GALNTL6: variants seen among roughly 807,000 people sequenced by gnomAD.
The protein encoded by GALNTL6 is polypeptide N-acetylgalactosaminyltransferase like 6.
A neutral mutation model predicts 73.7 loss-of-function variants in GALNTL6; 46 were observed. The observed-to-expected ratio is 0.62, with a 90% CI of 0.49 to 0.80. The LOEUF (loss-of-function observed/expected upper bound fraction) is 0.80, where lower values mean the gene tolerates loss of function less well. Ranked by LOEUF, GALNTL6 falls within the 30% of genes least tolerant of loss-of-function variation. The pLI, the probability that GALNTL6 is intolerant of heterozygous loss-of-function variation, is 0.00. For missense variants in GALNTL6, 604 were observed against 755.0 expected (o/e 0.80, Z 2.34); for synonymous variants, 259 against 263.7 (o/e 0.98, Z 0.17).
intron 5 of GALNTL6, among the ~76,000 whole-genome samples, chr4:172,614,136 CATCT>C (rs1738630292): frequency 7.2e-6 from 1 of 139,002 alleles, no homozygotes; most frequent in African/African-American, 2.8e-5. Context: ...ATCTATCTAT[CATCT>C]ATCTGTCATT....
At chr4:172,235,918 G>A (rs532296382) in intron 3 of GALNTL6, among the ~76,000 whole-genome samples, 11 of 152,102 alleles carry the variant, frequency 7.2e-5, no homozygotes, top group South Asian at 2.1e-4. Context: ...TTCATTTTCC[G>A]TTTCTGGGTT....
intron 3 of GALNTL6, among the ~76,000 whole-genome samples, chr4:172,257,138 C>T (rs1738108174): frequency 6.6e-6 from 1 of 151,356 alleles, no homozygotes; most frequent in Admixed American, 6.6e-5. Flanking sequence ...AAAGTCTGGA[C>T]ATATATGAAG....
chr4:171,924,343 T>A (rs1013165077), intron 2 of GALNTL6, among the ~76,000 whole-genome samples: 5 of 151,916 alleles, frequency 3.3e-5, no homozygotes, highest in African/African-American at 1.2e-4. Context: ...CATGAGAGAT[T>A]TGCTAAAAAA....
intron 3 of GALNTL6, among the ~76,000 whole-genome samples, chr4:172,272,668 A>G (rs1579320750): frequency 6.6e-6 from 1 of 152,278 alleles, no homozygotes; most frequent in East Asian, 1.9e-4. Context: ...ATACTGTCTC[A>G]TTTGTAAATA....
At chr4:172,462,003 G>A (rs1579093735) in intron 5 of GALNTL6, among the ~76,000 whole-genome samples, 2 of 152,120 alleles carry the variant, frequency 1.3e-5, no homozygotes, top group Non-Finnish European at 2.9e-5. Flanking sequence ...AAAAGGCAGA[G>A]GAAGGGTGAA....
intron 2 of GALNTL6, among the ~76,000 whole-genome samples, chr4:172,206,775 GTT>G (rs1214874685): frequency 8.8e-5 from 7 of 79,786 alleles, no homozygotes; most frequent in Non-Finnish European, 2.0e-4. Flanking sequence ...GATGAAACGT[GTT>G]TTTTGTTTTG....
At chr4:172,977,981 A>T (rs934810247) in intron 10 of GALNTL6, among the ~76,000 whole-genome samples, 4 of 152,120 alleles carry the variant, frequency 2.6e-5, no homozygotes, top group African/African-American at 9.7e-5. Flanking sequence ...CTGGGATTAC[A>T]GGCACCCGCC....
chr4:172,794,547 G>A (rs1460430947), intron 5 of GALNTL6, among the ~76,000 whole-genome samples: 1 of 152,148 alleles, frequency 6.6e-6, no homozygotes, highest in Non-Finnish European at 1.5e-5. Context: ...CTGGAGAAGA[G>A]GGCCAAATTA....
chr4:172,082,346 A>G (rs1432443654), intron 2 of GALNTL6, among the ~76,000 whole-genome samples: 1 of 152,232 alleles, frequency 6.6e-6, no homozygotes, highest in Non-Finnish European at 1.5e-5. Context: ...TTCAAAACAG[A>G]TTGAATTTGA....
chr4:172,256,072 T>C (rs897650319), intron 3 of GALNTL6, among the ~76,000 whole-genome samples: 7 of 151,536 alleles, frequency 4.6e-5, no homozygotes, highest in African/African-American at 1.7e-4. Flanking sequence ...GTGCTTTTAT[T>C]TTATAATATG....
intron 5 of GALNTL6, among the ~76,000 whole-genome samples, chr4:172,406,092 T>A (rs930724682): frequency 6.6e-6 from 1 of 152,064 alleles, no homozygotes; most frequent in Non-Finnish European, 1.5e-5. Context: ...TAAGCAGACA[T>A]GCAAAGTTTC....
At chr4:172,687,839 G>A (rs1166889625) in intron 5 of GALNTL6, among the ~76,000 whole-genome samples, 2 of 151,990 alleles carry the variant, frequency 1.3e-5, no homozygotes, top group Admixed American at 6.6e-5. Context: ...GGACAGTCTC[G>A]GGATTATAAA....
intron 3 of GALNTL6, among the ~76,000 whole-genome samples, chr4:172,302,461 C>T (rs1739969199): frequency 6.6e-6 from 1 of 152,170 alleles, no homozygotes; most frequent in Non-Finnish European, 1.5e-5. Flanking sequence ...CTGCTTCGCT[C>T]ATGCTGGGAG....
chr4:172,548,871 G>C (rs1008652693), intron 5 of GALNTL6, among the ~76,000 whole-genome samples: 2 of 151,750 alleles, frequency 1.3e-5, no homozygotes, highest in African/African-American at 4.8e-5. Flanking sequence ...ATAATAATCA[G>C]GATTTTTTTC....
In GALNTL6 at chr4:171,903,452, A is replaced by G. The variant is rs115351370; in HGVS notation, c.138+88734A>G. ...TTTGCCGAAGGGCTTAAAAAACGGCACACCAGGAGATTAAATCCCTCACGT... is the reference window on the plus strand; with the variant it reads ...TTTGCCGAAGGGCTTAAAAAACGGCGCACCAGGAGATTAAATCCCTCACGT... On this transcript the variant is annotated intron_variant, in intron 2 of 12. Transcript: ENST00000506823. Among the ~76,000 whole-genome samples the G allele has an allele frequency of 1.1e-3, 173 of 152,166 alleles. 1 individual carries two copies. The highest frequency in any genetic ancestry group is 2.3e-3 in the Admixed American group (35 of 15,300).
intron 2 of GALNTL6, among the ~76,000 whole-genome samples, chr4:172,162,613 G>A (rs1734506419): frequency 1.3e-5 from 2 of 151,692 alleles, no homozygotes; most frequent in South Asian, 4.1e-4. Context: ...AAAATGTCAA[G>A]TTTCAAACAA....
At chr4:172,224,804 C>G (rs1281973481) in intron 2 of GALNTL6, among the ~76,000 whole-genome samples, 1 of 152,026 alleles carries the variant, frequency 6.6e-6, no homozygotes, top group East Asian at 1.9e-4. Context: ...AATTTTTTAC[C>G]TCTGGTAAAT....
chr4:172,177,732 T>C (rs897030518), intron 2 of GALNTL6, among the ~76,000 whole-genome samples: 2 of 147,826 alleles, frequency 1.4e-5, no homozygotes, highest in African/African-American at 5.0e-5. Flanking sequence ...TGTGTATATA[T>C]ATATACACAT....
chr4:172,796,805 TG>T (rs75054517), intron 5 of GALNTL6, among the ~76,000 whole-genome samples: 26,566 of 152,174 alleles, frequency 0.17, 2,771 homozygotes, highest in East Asian at 0.25. Context: ...TCCGTAGCCT[TG>T]GGAATAGGAC....
Sources: gnomAD v4.1 joint callset for allele counts (sites outside exome capture counted in the v4.1 genomes callset) on GRCh38, gnomAD v4.1.1 for gene constraint, MANE v1.5 for transcripts, NCBI Gene and HGNC (gene_info 2026-07-23, HGNC 2026-07-21) for gene names.